CHEK2: variants seen among roughly 807,000 people sequenced by gnomAD.
CHEK2 encodes serine/threonine-protein kinase Chk2.
Under a neutral mutation model 69.1 loss-of-function variants are expected in CHEK2, and 71 were observed. That is an observed-to-expected ratio of 1.03 (90% CI 0.85 to 1.25). The LOEUF (loss-of-function observed/expected upper bound fraction) is 1.25, where lower values mean the gene tolerates loss of function less well. Ranked by LOEUF, CHEK2 falls within the 50% of genes most tolerant of loss-of-function variation. CHEK2 has a pLI of 0.00. For synonymous variants in CHEK2, 189 were observed against 226.9 expected (o/e 0.83, Z 1.50); for missense variants, 664 against 649.6 (o/e 1.02, Z -0.24).
chr22:28,719,222 A>T (rs17881471), intron 5 of CHEK2, among the ~76,000 whole-genome samples, 173 bp downstream of exon 5: 4 of 152,214 alleles, frequency 2.6e-5, no homozygotes, highest in Admixed American at 2.6e-4. Context: ...AAAATAAATT[A>T]AAATGACTGT....
At chr22:28,727,657 G>A (rs1017157637) in intron 2 of CHEK2, among the ~76,000 whole-genome samples, 21 of 152,164 alleles carry the variant, frequency 1.4e-4, no homozygotes, top group Non-Finnish European at 7.3e-5. Flanking sequence ...CTATAAATCA[G>A]TGAAAACGCT....
At chr22:28,690,986 A>T (rs1161355013) in intron 13 of CHEK2, among the ~76,000 whole-genome samples, 1 of 151,104 alleles carries the variant, frequency 6.6e-6, no homozygotes, top group Non-Finnish European at 1.5e-5. Context: ...ACTTGAGGTC[A>T]CTCTGTTTTG....
chr22:28,734,751 C>T (rs2146158377), intron 1 of CHEK2, 24 bp from the exon 2 acceptor site: 1 of 1,593,222 alleles, frequency 6.3e-7, no homozygotes, highest in Non-Finnish European at 8.6e-7. Context: ...TGTCCAACAA[C>T]AAAGGTGAGT....
chr22:28,722,740 A>G (rs2053844133), intron 4 of CHEK2, among the ~76,000 whole-genome samples: 1 of 152,016 alleles, frequency 6.6e-6, no homozygotes, highest in South Asian at 2.1e-4. Context: ...GGGTCTCACC[A>G]TGTTGCCCGA....
intron 7 of CHEK2, among the ~76,000 whole-genome samples, chr22:28,705,651 C>T (rs898703517): frequency 1.3e-5 from 2 of 152,084 alleles, no homozygotes; most frequent in African/African-American, 4.8e-5. Flanking sequence ...AGGGGCCGGG[C>T]GCAGTGGCAC....
At chr22:28,700,409 T>C (rs1419783661) in intron 8 of CHEK2, among the ~76,000 whole-genome samples, 1 of 151,920 alleles carries the variant, frequency 6.6e-6, no homozygotes, top group Non-Finnish European at 1.5e-5. Flanking sequence ...GAGACAAGGT[T>C]TTGCCATGTT....
chr22:28,737,282 A>G (rs1476411126), intron 1 of CHEK2: 3 of 477,032 alleles, frequency 6.3e-6, no homozygotes, highest in East Asian at 5.8e-5. Flanking sequence ...CAGCCTCAGC[A>G]TACAAATTTT....
intron 1 of CHEK2, among the ~76,000 whole-genome samples, chr22:28,740,133 G>A (rs978357718): frequency 1.3e-5 from 2 of 152,130 alleles, no homozygotes; most frequent in East Asian, 1.9e-4. Context: ...CCAGGGAGTC[G>A]GAGGTTGCAG....
chr22:28,695,576 G>C, intron 11 of CHEK2, 134 bp downstream of exon 11: 2 of 782,774 alleles, frequency 2.6e-6, no homozygotes, highest in Non-Finnish European at 4.5e-6. Flanking sequence ...AGGATCACTT[G>C]ACCCAGGAGG....
At chr22:28,694,963 T>C (rs982871814) in intron 12 of CHEK2, among the ~76,000 whole-genome samples, 164 bp downstream of exon 12, 1 of 152,224 alleles carries the variant, frequency 6.6e-6, no homozygotes, top group African/African-American at 2.4e-5. Flanking sequence ...CCTGAGTGCA[T>C]GCTCTTAATA....
At chr22:28,736,830 C>A (rs1299562077) in intron 1 of CHEK2, among the ~76,000 whole-genome samples, 1 of 145,498 alleles carries the variant, frequency 6.9e-6, no homozygotes, top group Admixed American at 7.3e-5. Context: ...GTGGGCTCAG[C>A]TACTCAGGAA....
At chr22:28,705,869 G>C (rs1034297078) in intron 7 of CHEK2, among the ~76,000 whole-genome samples, 1 of 152,074 alleles carries the variant, frequency 6.6e-6, no homozygotes, top group Admixed American at 6.6e-5. Flanking sequence ...CTTGAACCCG[G>C]GAGGCAGAGT....
Position 28,703,486 on chromosome 22 carries a change from T to C in CHEK2, c.908+19A>G, listed in dbSNP as rs759973493. ...GCATTTGAATGGAAACAGAAATTTT[T>C]AAAAAGTTTACTACTTACAATTCCA... On this transcript the variant is annotated intron_variant, in intron 8 of 14. Coordinates refer to ENST00000404276, the MANE Select transcript of CHEK2 (RefSeq NM_007194.4). 8.0e-7 allele frequency: 1 copy of C among 1,256,878 alleles called. No individual in the cohort carries two copies. Among genetic ancestry groups the C allele is most frequent in the East Asian group, 2.4e-5 (1 of 41,728 alleles). 77.9% of individuals were successfully genotyped at this position (1,256,878 alleles called of 1,614,324 possible).
chr22:28,702,246 T>A lies in CHEK2; in HGVS notation c.908+1259A>T, dbSNP rs913775530. ...CTTTCTTTCTCTATTTTTTTTTTTT[T>A]AATTTTTTTTGAAACGGAGTCTCGC... On this transcript the variant is annotated intron_variant, in intron 8 of 14. Transcript: ENST00000404276. 1.8e-3 allele frequency among the ~76,000 whole-genome samples: 271 copies of A among 148,484 alleles called. 2 individuals are homozygous for A. The highest frequency in any genetic ancestry group is 0.011 in the Middle Eastern group (3 of 284).
At chr22:28,725,746 C>CA in intron 2 of CHEK2, among the ~76,000 whole-genome samples, 1 of 151,898 alleles carries the variant, frequency 6.6e-6, no homozygotes, top group East Asian at 1.9e-4. Flanking sequence ...CCTATCTCTA[C>CA]AAAAAATAAA....
At chr22:28,712,464 C>A (rs1400495006) in intron 5 of CHEK2, among the ~76,000 whole-genome samples, 1 of 152,224 alleles carries the variant, frequency 6.6e-6, no homozygotes, top group Admixed American at 6.5e-5. Context: ...TATTCTCCAT[C>A]TTCAAAGGAA....
Position 28,694,099 on chromosome 22 carries a change from T to C in CHEK2, c.1394A>G (p.Lys465Arg). The change falls in exon 13 of 15, where the codon AAG becomes AGG. Residue 465 changes from lysine (K) to arginine (R), a missense_variant. Lys to Arg is a conservative substitution (Grantham distance 26, BLOSUM62 2). Coordinates refer to ENST00000404276, the MANE Select transcript of CHEK2 (RefSeq NM_007194.4). ...TGCCTTTGGATCCACTACCAACAAC[T>C]TCTTGACAAGGTCCAGAGCTAAAGC... ...VSEKALDLVK[K>R]LLVVDPKARF... 6.3e-7 allele frequency: 1 copy of C among 1,595,534 alleles called. No individual in the cohort carries two copies. The highest frequency in any genetic ancestry group is 8.5e-7 in the Non-Finnish European group (1 of 1,179,082).
At chr22:28,705,795 G>A (rs916774030) in intron 7 of CHEK2, among the ~76,000 whole-genome samples, 5 of 151,626 alleles carry the variant, frequency 3.3e-5, no homozygotes, top group African/African-American at 1.2e-4. Context: ...GCGTGGTGGT[G>A]CATGCCTGTA....
chr22:28,689,393 G>T (rs2052260688), intron 13 of CHEK2, 178 bp from the exon 14 acceptor site: 2 of 662,180 alleles, frequency 3.0e-6, no homozygotes, highest in East Asian at 2.9e-5. Flanking sequence ...CTTCCCAGAG[G>T]AGTCTAATTA....
Sources: allele counts gnomAD v4.1 joint callset (sites outside exome capture counted in the v4.1 genomes callset), GRCh38; gene constraint gnomAD v4.1.1; transcripts MANE v1.5; gene names NCBI Gene and HGNC (gene_info 2026-07-23, HGNC 2026-07-21).